The following ANKRD28 variants were observed in gnomAD, a reference collection of about 807,000 sequenced individuals.
ANKRD28 encodes the protein serine/threonine-protein phosphatase 6 regulatory ankyrin repeat subunit A.
A neutral mutation model predicts 126.5 loss-of-function variants in ANKRD28; 44 were observed. That is an observed-to-expected ratio of 0.35 (90% CI 0.27 to 0.45). The LOEUF is 0.45. ANKRD28 is among the 20% of genes least tolerant of loss of function. The pLI is 1.00. For synonymous variants in ANKRD28, 442 were observed against 468.5 expected, an observed-to-expected ratio of 0.94 and a Z score of 0.73; for missense variants, 1,110 against 1,316.6, an observed-to-expected ratio of 0.84 and a Z score of 2.43.
chr3:15,739,357 A>G (rs1427609634), intron 4 of ANKRD28, among the ~76,000 whole-genome samples: 1 of 152,230 alleles, frequency 6.6e-6, no homozygotes, highest in Non-Finnish European at 1.5e-5. Flanking sequence ...ATAAATGTCC[A>G]TGAAATCTTC....
intron 1 of ANKRD28, among the ~76,000 whole-genome samples, chr3:15,806,526 CTTT>C (rs564676719): frequency 6.9e-6 from 1 of 145,810 alleles, no homozygotes. Flanking sequence ...ATCATCACAT[CTTT>C]TTTTTTTTTT....
At position 15,686,222 on chromosome 3, in the gene ANKRD28, T is replaced by C; in HGVS notation, c.2051A>G (p.Gln684Arg). 1 of 1,591,122 alleles carries C rather than the reference T, an allele frequency of 6.3e-7. No individual in the cohort carries two copies. Among genetic ancestry groups the C allele is most frequent in the South Asian group, 1.1e-5 (1 of 87,720 alleles). Residue 684 changes from glutamine to arginine, a missense_variant and splice_region_variant, in exon 19 of 28, where the codon CAG (glutamine) becomes CGG (arginine). By Grantham distance (43) the Gln-to-Arg change is conservative. Coordinates refer to ENST00000683139, the MANE Select transcript of ANKRD28 (RefSeq NM_001349278.2). ...NAVDIQDGNG[Q>R]TPLMLSVLNG... Reference sequence around the variant, plus strand: ...GCAACAATTATTTATCGAAACTTACTGTCCATTTCCATCTTGAATATCCAC... The same window carrying C: ...GCAACAATTATTTATCGAAACTTACCGTCCATTTCCATCTTGAATATCCAC...
intron 3 of ANKRD28, 139 bp from the exon 4 acceptor site, chr3:15,751,959 A>G: frequency 1.8e-6 from 1 of 569,890 alleles, no homozygotes; most frequent in Non-Finnish European, 3.0e-6. Flanking sequence ...CTTTCTGCTG[A>G]TAAAATTACC....
chr3:15,741,068 G>A (rs2455849), intron 4 of ANKRD28, among the ~76,000 whole-genome samples: 70,958 of 151,922 alleles, frequency 0.47, 19,468 homozygotes, highest in Non-Finnish European at 0.6. Context: ...GTGGGGGGGC[G>A]GGCGCCTGTA....
Position 15,805,862 on chromosome 3 carries a change from T to C in ANKRD28, c.28-10556A>G, listed in dbSNP as rs550561097. 2.6e-5 allele frequency among the ~76,000 whole-genome samples: 4 copies of C among 152,272 alleles called. No individual in the cohort carries two copies. The East Asian group carries it at 7.7e-4, about 29-fold the overall frequency. ...GTCCAAGGAATTCCCGAAAGTACAG[T>C]AAGATCAGTATCTGAAGTGTACATT... On this transcript the variant is annotated intron_variant, in intron 1 of 27. Coordinates refer to the ANKRD28 transcript ENST00000399451.
Position 15,721,395 on chromosome 3 carries a change from A to G in ANKRD28, c.784-268T>C, listed in dbSNP as rs149392476. On this transcript the variant is annotated intron_variant, in intron 7 of 27. Transcript: ENST00000683139. Reference sequence around the variant, plus strand: ...TCATGACAAAACTGAATAATACAAAAGAGGTATTTCAGGGAAACGTAAACT... The same window carrying G: ...TCATGACAAAACTGAATAATACAAAGGAGGTATTTCAGGGAAACGTAAACT... Among the ~76,000 whole-genome samples the G allele has an allele frequency of 2.3e-3, 346 of 152,368 alleles. 1 individual carries two copies. Among genetic ancestry groups the G allele is most frequent in the African/African-American group, 8.0e-3 (333 of 41,582 alleles).
chr3:15,750,910 T>C (rs910916090), intron 4 of ANKRD28, among the ~76,000 whole-genome samples: 2 of 152,212 alleles, frequency 1.3e-5, no homozygotes, highest in Non-Finnish European at 2.9e-5. Flanking sequence ...TACTTTTGTA[T>C]TTTAAATTAT....
chr3:15,784,344 T>C (rs2059673189), intron 2 of ANKRD28, among the ~76,000 whole-genome samples: 1 of 152,002 alleles, frequency 6.6e-6, no homozygotes, highest in Non-Finnish European at 1.5e-5. Context: ...TATATGTAAG[T>C]GTAAGGAATG....
In ANKRD28 at chr3:15,805,059, CAAGT is replaced by C. The variant is rs2125864612; in HGVS notation, c.28-9757_28-9754del. On this transcript the variant is annotated intron_variant, in intron 1 of 27. Coordinates refer to the ANKRD28 transcript ENST00000399451. ...GAAAACAGAGTTTCACTGACTTTTC[CAAGT>C]AAGTGTAGATTCAACAGTTACACAT... Among the ~76,000 whole-genome samples, 2 of 145,206 alleles carry C rather than the reference CAAGT, an allele frequency of 1.4e-5. 1 individual carries two copies. The highest frequency in any genetic ancestry group is 6.1e-4 in the East Asian group (2 of 3,296).
At chr3:15,779,515 A>G (rs1371649819) in intron 2 of ANKRD28, among the ~76,000 whole-genome samples, 1 of 152,262 alleles carries the variant, frequency 6.6e-6, no homozygotes, top group Non-Finnish European at 1.5e-5. Context: ...AATATGGACA[A>G]AAAACTAAAT....
At chr3:15,767,769 T>G in intron 2 of ANKRD28, among the ~76,000 whole-genome samples, 1 of 129,492 alleles carries the variant, frequency 7.7e-6, no homozygotes, top group African/African-American at 2.9e-5. Context: ...GTGCCTGTAG[T>G]CCTGGCTACT....
intron 3 of ANKRD28, among the ~76,000 whole-genome samples, chr3:15,759,469 G>A (rs2058341678): frequency 6.6e-6 from 1 of 152,052 alleles, no homozygotes; most frequent in Admixed American, 6.6e-5. Flanking sequence ...TATTACTATA[G>A]ATTCTATGGA....
intron 13 of ANKRD28, among the ~76,000 whole-genome samples, chr3:15,709,304 G>C (rs1432301457): frequency 2.6e-5 from 4 of 152,108 alleles, no homozygotes; most frequent in African/African-American, 9.7e-5. Context: ...GAAATGACTT[G>C]GAGAAAGGAG....
chr3:15,762,029 T>C (rs1575581416), intron 3 of ANKRD28, among the ~76,000 whole-genome samples: 1 of 151,794 alleles, frequency 6.6e-6, no homozygotes, highest in South Asian at 2.1e-4. Context: ...CTACTAAAAA[T>C]ACAAAAATTA....
chr3:15,677,341 C>T, intron 25 of ANKRD28, 139 bp downstream of exon 25: 1 of 651,522 alleles, frequency 1.5e-6, no homozygotes, highest in Non-Finnish European at 2.6e-6. Context: ...CCTTATAAGT[C>T]AATTTTGTTC....
chr3:15,686,021 C>T lies in ANKRD28; in HGVS notation c.2150G>A (p.Arg717Lys), dbSNP rs776376170. Residue 717 changes from arginine to lysine, a missense_variant, in exon 20 of 28, where the codon AGG becomes AAG. By Grantham distance (26) the Arg-to-Lys change is conservative (BLOSUM62 2). Transcript: ENST00000683139. The part of the protein sequence containing the change: ...ANVDAKDKWG[R>K]TALHRGAVTG... ...GCTTACCCCTCTATGCAACGCTGTC[C>T]TTCCCCACTTATCTTTGGCATCTAC... The T allele has an allele frequency of 1.2e-6, 2 of 1,613,412 alleles. No individual in the cohort carries two copies. Among genetic ancestry groups the T allele is most frequent in the African/African-American group, 1.3e-5 (1 of 74,910 alleles).
upstream of ANKRD28, among the ~76,000 whole-genome samples, chr3:15,800,453 T>C (rs945617019): frequency 2.6e-5 from 4 of 152,112 alleles, no homozygotes; most frequent in Admixed American, 6.6e-5. Flanking sequence ...CTTACTGTTA[T>C]GGATATTTGG....
chr3:15,674,911 G>A (rs2066775251), intron 27 of ANKRD28, among the ~76,000 whole-genome samples: 1 of 152,114 alleles, frequency 6.6e-6, no homozygotes, highest in Non-Finnish European at 1.5e-5. Context: ...GGTTTTGATG[G>A]GAACAGTTTT....
intron 27 of ANKRD28, 37 bp downstream of exon 27, chr3:15,675,861 C>G: frequency 6.7e-7 from 1 of 1,484,840 alleles, no homozygotes; most frequent in Non-Finnish European, 9.2e-7. Context: ...AAGATAAAAG[C>G]TCTAGGTTAA....
Sources: gnomAD v4.1 joint callset for allele counts (sites outside exome capture counted in the v4.1 genomes callset) on GRCh38, gnomAD v4.1.1 for gene constraint, MANE v1.5 for transcripts, NCBI Gene and HGNC (gene_info 2026-07-23, HGNC 2026-07-21) for gene names.